Variants in MRM1 observed in about 807,000 individuals in gnomAD.
MRM1 encodes rRNA methyltransferase 1, mitochondrial.
Under a neutral mutation model 25.0 loss-of-function variants are expected in MRM1, and 24 were observed. The ratio of observed to expected loss-of-function variants is 0.96; its 90% CI spans 0.69 to 1.35. The LOEUF (loss-of-function observed/expected upper bound fraction) is 1.35. Among genes scored for constraint, MRM1 ranks in the 40% most tolerant of loss-of-function variants. MRM1 has a pLI of 0.00. For missense variants in MRM1, 431 were observed against 464.1 expected (o/e 0.93, Z 0.65); for synonymous variants, 188 against 199.2 (o/e 0.94, Z 0.47).
At chr17:36,630,316 G>A in the MRM1 span, among the ~76,000 whole-genome samples, 2 of 152,298 alleles carry the variant, frequency 1.3e-5, no homozygotes, top group East Asian at 3.9e-4. Flanking sequence ...CTTGTACTTG[G>A]GGGAGTATCC....
In MRM1 at chr17:36,608,352, C is replaced by T. The variant is rs752480256; in HGVS notation, c.999C>T (p.Leu333=). Residue 333 remains leucine, a synonymous_variant, in exon 5 of 5, where the codon CTC becomes CTT. Transcript: ENST00000614766. The stretch of plus-strand genomic sequence containing the variant: ...AACCCTCAGCCAGGTCTGAAGGGCT[C>T]AGCATGGCTCAGCACCCAGGGCTGT... ...PQEPSARSEG[L]SMAQHPGLSS... is the part of the protein sequence containing the mutation. The T allele has an allele frequency of 2.5e-6, 4 of 1,609,764 alleles. No homozygotes were observed. Among genetic ancestry groups the T allele is most frequent in the Non-Finnish European group, 3.4e-6 (4 of 1,178,102 alleles).
the MRM1 span, among the ~76,000 whole-genome samples, chr17:36,621,218 AT>A: frequency 2.6e-5 from 4 of 152,014 alleles, no homozygotes; most frequent in African/African-American, 9.7e-5. Flanking sequence ...CACCCCCAAC[AT>A]ACCCCATCCT....
chr17:36,611,861 G>C (rs945776827), downstream of MRM1, among the ~76,000 whole-genome samples: 1 of 152,196 alleles, frequency 6.6e-6, no homozygotes, highest in African/African-American at 2.4e-5. Context: ...GCTCTCCTGG[G>C]CGTCCAGCTT....
the MRM1 span, among the ~76,000 whole-genome samples, chr17:36,633,841 A>G: frequency 6.6e-6 from 1 of 152,090 alleles, no homozygotes; most frequent in African/African-American, 2.4e-5. Flanking sequence ...GCCTCCTTCT[A>G]TCTCTCTGCC....
chr17:36,624,774 C>T, the MRM1 span, among the ~76,000 whole-genome samples: 1 of 152,120 alleles, frequency 6.6e-6, no homozygotes, highest in Non-Finnish European at 1.5e-5. This position sits in a 1 kb window ranked among gnomAD's most constrained non-coding sequence, Gnocchi z 4.0. Context: ...GTCTCGTTTT[C>T]CTTCTTGTAG....
chr17:36,609,738 C>T (rs950579255), downstream of MRM1, among the ~76,000 whole-genome samples: 2 of 152,132 alleles, frequency 1.3e-5, no homozygotes, highest in African/African-American at 4.8e-5. Flanking sequence ...CCCTCCTGGG[C>T]GAAAGGGGAA....
chr17:36,601,796 G>C lies in MRM1; in HGVS notation c.-15G>C. 2.0e-6 allele frequency: 3 copies of C among 1,523,380 alleles called. No homozygotes were observed. Among genetic ancestry groups the C allele is most frequent in the Non-Finnish European group, 2.6e-6 (3 of 1,138,162 alleles). The allele number at this position is 1,523,380 out of a possible 1,614,324, so 94.4% of individuals were successfully genotyped here. A position where few individuals can be genotyped will look rare whatever the true frequency, so the allele number is the denominator to read the frequency against. ...ACGCAGCAAGGGGCATCGAGTCCCT[G>C]GCGGGAGCTGCGCCATGGCATTGCT... On this transcript the variant is annotated 5_prime_UTR_variant, in exon 1 of 5. Transcript: ENST00000614766.
the MRM1 span, among the ~76,000 whole-genome samples, chr17:36,615,267 C>T: frequency 1.3e-5 from 2 of 152,216 alleles, no homozygotes; most frequent in Non-Finnish European, 2.9e-5. Context: ...TGGCCCTTCT[C>T]CCCCTTCGGG....
At chr17:36,633,459 C>T in the MRM1 span, among the ~76,000 whole-genome samples, 1 of 152,122 alleles carries the variant, frequency 6.6e-6, no homozygotes, top group Non-Finnish European at 1.5e-5. Context: ...ACACCCTCTT[C>T]CTTCGAAGAA....
the MRM1 span, among the ~76,000 whole-genome samples, chr17:36,629,235 A>G: frequency 2.0e-5 from 3 of 152,194 alleles, no homozygotes; most frequent in Non-Finnish European, 4.4e-5. Context: ...GTCATCCTAC[A>G]TTCTCACACT....
At chr17:36,623,159 C>G in the MRM1 span, among the ~76,000 whole-genome samples, 1 of 152,352 alleles carries the variant, frequency 6.6e-6, no homozygotes, top group East Asian at 1.9e-4. Context: ...TGTGTTCTCC[C>G]TGCAGCCTCT....
Position 36,601,591 on chromosome 17 carries a change from A to C in MRM1, c.-220A>C, listed in dbSNP as rs749360091. The C allele has an allele frequency of 9.3e-5, 43 of 462,232 alleles. No homozygotes were observed. Among genetic ancestry groups the C allele is most frequent in the Non-Finnish European group, 1.4e-4 (38 of 267,850 alleles). 28.6% of individuals were successfully genotyped at this position (462,232 alleles called of 1,614,324 possible). ...GGGAGGGGCGGGCTCCCGAACCCGG[A>C]AGCGAGGGACCCACGTGGGAGCCTG... On this transcript the variant is annotated 5_prime_UTR_variant, in exon 1 of 5. Transcript: ENST00000614766.
the MRM1 span, among the ~76,000 whole-genome samples, chr17:36,618,668 G>T: frequency 6.6e-6 from 1 of 152,186 alleles, no homozygotes. Context: ...ACAGCCCAGG[G>T]CTGGAAGCTG....
At chr17:36,628,702 G>C in the MRM1 span, among the ~76,000 whole-genome samples, 1 of 152,170 alleles carries the variant, frequency 6.6e-6, no homozygotes, top group African/African-American at 2.4e-5. Flanking sequence ...CTGAGCCTCT[G>C]ATAAGCAGCT....
In MRM1 at chr17:36,603,312, A is replaced by T. The variant is rs2074898798; in HGVS notation, c.636+666A>T. On this transcript the variant is annotated intron_variant, in intron 2 of 4. Coordinates refer to ENST00000614766, the MANE Select transcript of MRM1 (RefSeq NM_024864.5). ...TAGTTTTAGCTTTTCTAGTAGCCAC[A>T]TTGAAAAGTAAAGAGATGACATTTT... 5 of 628,528 alleles carry T rather than the reference A, an allele frequency of 8.0e-6. No homozygotes were observed. The South Asian group carries it at 2.8e-4, about 35-fold the overall frequency. 38.9% of individuals were successfully genotyped at this position (628,528 alleles called of 1,614,324 possible).
chr17:36,633,737 G>C, the MRM1 span, among the ~76,000 whole-genome samples: 2 of 152,180 alleles, frequency 1.3e-5, no homozygotes, highest in Non-Finnish European at 2.9e-5. Context: ...TCCTGGAGCA[G>C]GCTGGCAGAG....
At chr17:36,610,478 T>C (rs2028069), downstream of MRM1, among the ~76,000 whole-genome samples, 65,501 of 151,940 alleles carry the variant, frequency 0.43, 15,114 homozygotes, top group African/African-American at 0.59. Context: ...GTGATTCACC[T>C]GCCTCGGCCT....
At chr17:36,613,053 A>G (rs1254459553), downstream of MRM1, among the ~76,000 whole-genome samples, 1 of 152,156 alleles carries the variant, frequency 6.6e-6, no homozygotes, top group East Asian at 1.9e-4. Context: ...CAGGGCTCCA[A>G]GATCCTGAGA....
At chr17:36,632,347 T>A in the MRM1 span, among the ~76,000 whole-genome samples, 1 of 152,040 alleles carries the variant, frequency 6.6e-6, no homozygotes, top group African/African-American at 2.4e-5. Flanking sequence ...TACCCATTTC[T>A]AACCTCTCTT....
Sources: allele counts gnomAD v4.1 joint callset (sites outside exome capture counted in the v4.1 genomes callset), GRCh38; gene constraint gnomAD v4.1.1; non-coding constraint Gnocchi (gnomAD v3.1); transcripts MANE v1.5; gene names NCBI Gene and HGNC (gene_info 2026-07-23, HGNC 2026-07-21).